Variants in EDNRB observed in about 807,000 individuals in gnomAD.
EDNRB encodes Hirschsprung disease 2.
Under a neutral mutation model 46.4 loss-of-function variants are expected in EDNRB, and 18 were observed. That is an observed-to-expected ratio of 0.39 (90% CI 0.27 to 0.57). The LOEUF is 0.57. Ranked by LOEUF, EDNRB falls within the 20% of genes least tolerant of loss-of-function variation. The pLI is 0.61. For missense variants in EDNRB, 434 were observed against 537.5 expected (o/e 0.81, Z 1.90); for synonymous variants, 213 against 204.9 (o/e 1.04, Z -0.34).
intron 1 of EDNRB, among the ~76,000 whole-genome samples, chr13:77,944,295 A>T (rs1270958726): frequency 6.6e-6 from 1 of 152,120 alleles, no homozygotes; most frequent in Non-Finnish European, 1.5e-5. Context: ...CCAATCTAAC[A>T]TAAGGGCCTG....
chr13:77,903,691 A>G, intron 1 of EDNRB, 84 bp from the exon 2 acceptor site: 4 of 1,141,018 alleles, frequency 3.5e-6, no homozygotes, highest in South Asian at 1.3e-5. Flanking sequence ...AGTAATTAAC[A>G]TGCAGAGTAG....
chr13:77,908,910 G>T (rs1051917224), intron 1 of EDNRB, among the ~76,000 whole-genome samples: 1 of 151,956 alleles, frequency 6.6e-6, no homozygotes, highest in Non-Finnish European at 1.5e-5. Flanking sequence ...TCAAATATGA[G>T]CCAGTTGGCA....
rs1418322340 is a variant in EDNRB, at chr13:77,896,446, T to C, written c.*1754A>G. 1.3e-6 allele frequency: 2 copies of C among 1,562,888 alleles called. No homozygotes were observed. Among genetic ancestry groups the C allele is most frequent in the Non-Finnish European group, 1.7e-6 (2 of 1,152,126 alleles). ...AGAATCCATATGGTGTGTGAATTAATTATTATTGCTCTTTCTTTCTGGCCA... is the reference window on the plus strand; with the variant it reads ...AGAATCCATATGGTGTGTGAATTAACTATTATTGCTCTTTCTTTCTGGCCA... On this transcript the variant is annotated 3_prime_UTR_variant, in exon 7 of 7. Coordinates refer to ENST00000646607, the MANE Select transcript of EDNRB (RefSeq NM_001122659.3).
rs1485821263 is a variant in EDNRB at position 77,896,494 on chromosome 13, G to T, written c.*1706C>A. The T allele has an allele frequency of 6.3e-7, 1 of 1,582,192 alleles. No homozygotes were observed. The highest frequency in any genetic ancestry group is 1.3e-5 in the African/African-American group (1 of 74,560). On this transcript the variant is annotated 3_prime_UTR_variant, in exon 7 of 7. Transcript: ENST00000646607. ...CCACATTGTTGGGTTTTGGTTTACT[G>T]TACCATCACATTCAATATTGACAGA...
chr13:77,967,779 C>T (rs147500942), intron 1 of EDNRB, among the ~76,000 whole-genome samples: 1 of 152,152 alleles, frequency 6.6e-6, no homozygotes, highest in African/African-American at 2.4e-5. Flanking sequence ...TTCCATTATG[C>T]CTTGATATTT....
intron 1 of EDNRB, among the ~76,000 whole-genome samples, chr13:77,931,039 G>C (rs1463019987): frequency 1.3e-5 from 2 of 152,170 alleles, no homozygotes; most frequent in Non-Finnish European, 2.9e-5. Context: ...TCGGTCTCCA[G>C]ATGCTGTTTT....
rs1282758724 is a variant in EDNRB at position 77,918,597 on chromosome 13, T to A, written c.-24A>T. 1 of 1,572,260 alleles carries A rather than the reference T, an allele frequency of 6.4e-7. No individual in the cohort carries two copies. Among genetic ancestry groups the A allele is most frequent in the East Asian group, 2.2e-5 (1 of 44,704 alleles). Reference sequence around the variant, plus strand: ...ATGCTGCTACCTGCTCCAGAAGGCGTCCGGTGGCCGCTCCGCAGTTTCAGA... The same window carrying A: ...ATGCTGCTACCTGCTCCAGAAGGCGACCGGTGGCCGCTCCGCAGTTTCAGA... On this transcript the variant is annotated 5_prime_UTR_variant, in exon 1 of 7. Transcript: ENST00000646607. The surrounding 1 kb of genome is among the most constrained non-coding windows in gnomAD (Gnocchi z 4.5).
Position 77,897,685 on chromosome 13 carries a change from C to T in EDNRB, c.*515G>A. 1.0e-6 allele frequency: 1 copy of T among 986,646 alleles called. No individual in the cohort carries two copies. The highest frequency in any genetic ancestry group is 1.2e-6 in the Non-Finnish European group (1 of 830,838). 61.1% of individuals were successfully genotyped at this position (986,646 alleles called of 1,614,324 possible). On this transcript the variant is annotated 3_prime_UTR_variant, in exon 7 of 7. Transcript: ENST00000646607. ...CGAAAAATGCAACAACTAAACTGCTCTCTCATTTGCATCTAATTACAATCT... is the reference window on the plus strand; with the variant it reads ...CGAAAAATGCAACAACTAAACTGCTTTCTCATTTGCATCTAATTACAATCT...
chr13:77,932,429 A>G (rs751247462), intron 1 of EDNRB, among the ~76,000 whole-genome samples: 2 of 152,242 alleles, frequency 1.3e-5, no homozygotes, highest in Non-Finnish European at 2.9e-5. Flanking sequence ...TGAGATCTCA[A>G]TGATGTGTCA....
chr13:77,942,776 A>G (rs1279929269), intron 1 of EDNRB, among the ~76,000 whole-genome samples: 1 of 106,276 alleles, frequency 9.4e-6, no homozygotes, highest in Non-Finnish European at 2.4e-5. Flanking sequence ...AATGAAAAAA[A>G]TGAAATAGAG....
At chr13:77,922,172 AT>A (rs941805379), upstream of EDNRB, among the ~76,000 whole-genome samples, 1 of 150,398 alleles carries the variant, frequency 6.6e-6, no homozygotes, top group Non-Finnish European at 1.5e-5. Flanking sequence ...AAAGTTGCTT[AT>A]TTTAAACGTT....
In EDNRB at chr13:77,896,355, A is replaced by G; in HGVS notation, c.*1845T>C. On this transcript the variant is annotated 3_prime_UTR_variant, in exon 7 of 7. Transcript: ENST00000646607. ...TTGAGAGTCTAAAATGACTTCTATGATAACAGGCCTCTGAAAAAGTGATTG... is the reference window on the plus strand; with the variant it reads ...TTGAGAGTCTAAAATGACTTCTATGGTAACAGGCCTCTGAAAAAGTGATTG... The G allele has an allele frequency of 7.2e-7, 1 of 1,390,764 alleles. No homozygotes were observed. The highest frequency in any genetic ancestry group is 9.5e-7 in the Non-Finnish European group (1 of 1,053,330). 86.2% of individuals were successfully genotyped at this position (1,390,764 alleles called of 1,614,324 possible).
intron 5 of EDNRB, 119 bp downstream of exon 5, chr13:77,900,402 C>A: frequency 2.1e-6 from 3 of 1,459,250 alleles, no homozygotes; most frequent in Non-Finnish European, 2.8e-6. Flanking sequence ...TTGGGAGTCT[C>A]CATGACTTCC....
At chr13:77,923,538 T>C (rs1880144456), upstream of EDNRB, among the ~76,000 whole-genome samples, 1 of 152,232 alleles carries the variant, frequency 6.6e-6, no homozygotes, top group Admixed American at 6.5e-5. Context: ...AGCACAGTCT[T>C]ATCATGTGTA....
At chr13:77,902,188 A>G (rs1387864818) in intron 3 of EDNRB, among the ~76,000 whole-genome samples, 2 of 151,970 alleles carry the variant, frequency 1.3e-5, no homozygotes, top group African/African-American at 4.8e-5. Context: ...GACTCCATCC[A>G]TATCAGGGTG....
At chr13:77,959,032 T>G (rs1409763095) in intron 1 of EDNRB, among the ~76,000 whole-genome samples, 1 of 152,208 alleles carries the variant, frequency 6.6e-6, no homozygotes, top group African/African-American at 2.4e-5. Flanking sequence ...GTGAATGATC[T>G]CTCATAAGTG....
intron 1 of EDNRB, among the ~76,000 whole-genome samples, chr13:77,931,408 A>G (rs1880393572): frequency 6.6e-6 from 1 of 152,174 alleles, no homozygotes; most frequent in Non-Finnish European, 1.5e-5. Flanking sequence ...CCCAAAGACT[A>G]TTTTTGTATG....
intron 1 of EDNRB, among the ~76,000 whole-genome samples, chr13:77,952,696 G>A (rs1358930545): frequency 1.3e-5 from 2 of 152,152 alleles, no homozygotes; most frequent in Admixed American, 6.5e-5. Flanking sequence ...TAGATAATGT[G>A]AATATGTTTT....
intron 1 of EDNRB, among the ~76,000 whole-genome samples, chr13:77,968,322 TAAC>T (rs1227741970): frequency 5.3e-5 from 8 of 152,188 alleles, no homozygotes; most frequent in African/African-American, 9.6e-5. Context: ...AAGTAAATAA[TAAC>T]AACAGTTCAC....
Sources: gnomAD v4.1 joint callset for allele counts (sites outside exome capture counted in the v4.1 genomes callset) on GRCh38, gnomAD v4.1.1 for gene constraint, Gnocchi (gnomAD v3.1) non-coding constraint, MANE v1.5 for transcripts, NCBI Gene and HGNC (gene_info 2026-07-23, HGNC 2026-07-21) for gene names.